ABCG8: variants seen among roughly 807,000 people sequenced by gnomAD.
The protein encoded by ABCG8 is ATP-binding cassette sub-family G member 8.
In ABCG8, 81 loss-of-function variants were observed where a neutral mutation model predicts 71.3. That is an observed-to-expected ratio of 1.14 (90% CI 0.95 to 1.37). The LOEUF is 1.37. ABCG8 is among the 40% of genes most tolerant of loss of function. The pLI is 0.00. For missense variants in ABCG8, 1,119 were observed against 866.2 expected, an observed-to-expected ratio of 1.29 and a Z score of -3.66; for synonymous variants, 451 against 354.7, an observed-to-expected ratio of 1.27 and a Z score of -3.05.
intron 6 of ABCG8, among the ~76,000 whole-genome samples, chr2:43,855,040 G>C (rs1669055173): frequency 6.6e-6 from 1 of 152,214 alleles, no homozygotes; most frequent in Admixed American, 6.5e-5. Context: ...CCTCCAGCCA[G>C]ACATTCTCCT....
chr2:43,849,576 CAG>C (rs1443444901), intron 3 of ABCG8, among the ~76,000 whole-genome samples: 6 of 152,164 alleles, frequency 3.9e-5, no homozygotes, highest in South Asian at 2.1e-4. Context: ...CAAACCATAT[CAG>C]AGAGTCTCCC....
chr2:43,861,469 G>A (rs1439534128), intron 6 of ABCG8, among the ~76,000 whole-genome samples: 2 of 151,322 alleles, frequency 1.3e-5, no homozygotes, highest in Non-Finnish European at 3.0e-5. Context: ...CATCTGGATA[G>A]AACTCTCACT....
At chr2:43,853,579 G>T (rs1668999826) in intron 6 of ABCG8, among the ~76,000 whole-genome samples, 2 of 152,132 alleles carry the variant, frequency 1.3e-5, no homozygotes, top group African/African-American at 4.8e-5. Flanking sequence ...TTCCACCCAG[G>T]ATGGCAAACT....
chr2:43,863,724 G>C lies in ABCG8; in HGVS notation c.965-8252G>C, dbSNP rs1669417364. Among the ~76,000 whole-genome samples the C allele has an allele frequency of 2.6e-5, 4 of 151,086 alleles. No homozygotes were observed. In the South Asian group the frequency reaches 8.4e-4, roughly 32 times the overall value. ...TGTCTGGATAGAATACTCACCATTTGGATAGAACTCTCACTATCTGTCTGG... is the reference window on the plus strand; with the variant it reads ...TGTCTGGATAGAATACTCACCATTTCGATAGAACTCTCACTATCTGTCTGG... On this transcript the variant is annotated intron_variant, in intron 6 of 12. Coordinates refer to ENST00000272286, the MANE Select transcript of ABCG8 (RefSeq NM_022437.3).
At chr2:43,870,380 T>A (rs1397249139) in intron 6 of ABCG8, among the ~76,000 whole-genome samples, 1 of 152,116 alleles carries the variant, frequency 6.6e-6, no homozygotes, top group East Asian at 1.9e-4. Context: ...TCACTGTGTA[T>A]GTTGATGGAA....
intron 6 of ABCG8, 87 bp downstream of exon 6, chr2:43,852,955 AG>A: frequency 2.6e-6 from 4 of 1,536,324 alleles, no homozygotes; most frequent in Non-Finnish European, 3.6e-6. Flanking sequence ...GGAAAGATTC[AG>A]GGGAGAAACT....
intron 6 of ABCG8, among the ~76,000 whole-genome samples, chr2:43,870,067 A>G (rs1440617444): frequency 6.6e-6 from 1 of 150,770 alleles, no homozygotes; most frequent in Non-Finnish European, 1.5e-5. Context: ...ATAGAACTCT[A>G]TTTGTCTGCA....
At chr2:43,845,780 C>T (rs1353020669) in intron 2 of ABCG8, among the ~76,000 whole-genome samples, 1 of 152,150 alleles carries the variant, frequency 6.6e-6, no homozygotes, top group African/African-American at 2.4e-5. Flanking sequence ...CACCACCATG[C>T]CTGGCTAATT....
intron 1 of ABCG8, among the ~76,000 whole-genome samples, chr2:43,843,617 G>T (rs1351763885): frequency 6.6e-6 from 1 of 152,090 alleles, no homozygotes; most frequent in Non-Finnish European, 1.5e-5. Flanking sequence ...TCATGTCACT[G>T]CACTCCATCC....
intron 6 of ABCG8, among the ~76,000 whole-genome samples, chr2:43,863,994 C>A (rs1248298788): frequency 6.6e-6 from 1 of 151,520 alleles, no homozygotes; most frequent in African/African-American, 2.4e-5. Flanking sequence ...GGATATAATT[C>A]TCACTCTCTG....
At chr2:43,864,313 ACTAT>A (rs1266562285) in intron 6 of ABCG8, among the ~76,000 whole-genome samples, 1 of 151,454 alleles carries the variant, frequency 6.6e-6, no homozygotes, top group Non-Finnish European at 1.5e-5. Context: ...TAGAATTCTC[ACTAT>A]CTGTCTGGAT....
At chr2:43,870,560 G>T (rs80293830) in intron 6 of ABCG8, among the ~76,000 whole-genome samples, 17 of 151,596 alleles carry the variant, frequency 1.1e-4, no homozygotes, top group Non-Finnish European at 1.9e-4. Flanking sequence ...TGTCTGGGTA[G>T]AATTCGCTCC....
chr2:43,859,859 C>CACTCTCTGG (rs1353876933), intron 6 of ABCG8, among the ~76,000 whole-genome samples: 1 of 151,468 alleles, frequency 6.6e-6, no homozygotes, highest in Non-Finnish European at 1.5e-5. Flanking sequence ...ATAGAATTCT[C>CACTCTCTGG]ACTCTCTGGA....
intron 6 of ABCG8, among the ~76,000 whole-genome samples, chr2:43,854,306 A>G (rs1669026387): frequency 6.6e-6 from 1 of 152,092 alleles, no homozygotes; most frequent in Admixed American, 6.6e-5. Context: ...CCACCTAGAC[A>G]TTATCTTGTC....
rs956933907 is a variant in ABCG8, at chr2:43,878,864, G to A, written c.*951G>A. ...AGATGGAGATAATTGAATCATAGGG[G>A]TGGTTTCTCTGATGCTGTTCTCCTG... On this transcript the variant is annotated 3_prime_UTR_variant, in exon 13 of 13. Transcript: ENST00000272286. The A allele has an allele frequency of 2.6e-5, 4 of 152,222 alleles. No homozygotes were observed. Among genetic ancestry groups the A allele is most frequent in the African/African-American group, 9.6e-5 (4 of 41,458 alleles). The allele number at this position is 152,222 out of a possible 1,614,324, so 9.4% of individuals were successfully genotyped here.
chr2:43,875,557 C>A, intron 11 of ABCG8, 144 bp downstream of exon 11: 2 of 1,017,984 alleles, frequency 2.0e-6, no homozygotes, highest in Non-Finnish European at 2.8e-6. Flanking sequence ...TTGCCCACTG[C>A]CCTGGAGGCC....
chr2:43,872,961 T>G (rs1478331307), intron 8 of ABCG8, among the ~76,000 whole-genome samples: 2 of 151,032 alleles, frequency 1.3e-5, no homozygotes, highest in Admixed American at 6.6e-5. Context: ...GATGTTTCCA[T>G]GCATACACAC....
intron 6 of ABCG8, among the ~76,000 whole-genome samples, chr2:43,865,619 C>G (rs1572854125): frequency 6.6e-6 from 1 of 151,314 alleles, no homozygotes; most frequent in Admixed American, 6.6e-5. Flanking sequence ...CTCTCACTAT[C>G]TGGATAGAAT....
intron 6 of ABCG8, among the ~76,000 whole-genome samples, chr2:43,859,118 T>C (rs1343468939): frequency 6.6e-6 from 1 of 151,314 alleles, no homozygotes; most frequent in Non-Finnish European, 1.5e-5. Context: ...GAATTCTCAC[T>C]GTCTGGATAG....
Sources: allele counts gnomAD v4.1 joint callset (sites outside exome capture counted in the v4.1 genomes callset), GRCh38; gene constraint gnomAD v4.1.1; transcripts MANE v1.5; gene names NCBI Gene and HGNC (gene_info 2026-07-23, HGNC 2026-07-21).